CRTAP: variants seen among roughly 807,000 people sequenced by gnomAD.
The protein encoded by CRTAP is cartilage-associated protein.
Under a neutral mutation model 42.7 loss-of-function variants are expected in CRTAP, and 33 were observed. The observed-to-expected ratio is 0.77, with a 90% CI of 0.59 to 1.03. The LOEUF is 1.03. Among genes scored for constraint, CRTAP ranks in the 50% least tolerant of loss-of-function variants. The probability of loss-of-function intolerance (pLI) is 0.00; values close to 1 mark genes in which losing one functional copy is unlikely to be tolerated. For synonymous variants in CRTAP, 243 were observed against 217.7 expected, an observed-to-expected ratio of 1.12 and a Z score of -1.02; for missense variants, 613 against 533.9, an observed-to-expected ratio of 1.15 and a Z score of -1.46.
At position 33,114,345 on chromosome 3, in the gene CRTAP, G is replaced by C; in HGVS notation, c.268G>C (p.Ala90Pro). The change falls in exon 1 of 7, where the codon GCC (alanine) becomes CCC (proline). Residue 90 changes from alanine to proline, a missense_variant. Coordinates refer to ENST00000320954, the MANE Select transcript of CRTAP (RefSeq NM_006371.5). Reference protein sequence around the residue: ...SEAFCHRNCSAAPQPEPAAGL... With the variant: ...SEAFCHRNCSPAPQPEPAAGL... ...GGCCTTCTGCCACCGCAACTGCAGC[G>C]CCGCGCCGCAGCCCGAGCCCGCCGC... 1 of 1,527,616 alleles carries C rather than the reference G, an allele frequency of 6.5e-7. No individual in the cohort carries two copies. The highest frequency in any genetic ancestry group is 1.2e-5 in the South Asian group (1 of 82,888). The allele number at this position is 1,527,616 out of a possible 1,614,324, so 94.6% of individuals were successfully genotyped here.
intron 4 of CRTAP, 70 bp from the exon 5 acceptor site, chr3:33,132,485 G>A: frequency 1.2e-6 from 2 of 1,603,812 alleles, no homozygotes; most frequent in Non-Finnish European, 1.7e-6. Flanking sequence ...TGGCCTTTTT[G>A]TTTAGAAGCA....
At position 33,132,567 on chromosome 3, in the gene CRTAP, A is replaced by G; in HGVS notation, c.935A>G (p.Lys312Arg). The change falls in exon 5 of 7, where the codon AAG becomes AGG. Residue 312 changes from lysine to arginine, a missense_variant. Physicochemically the swap from Lys to Arg is conservative, Grantham distance 26. Coordinates refer to ENST00000320954, the MANE Select transcript of CRTAP (RefSeq NM_006371.5). Reference protein sequence around the residue: ...QFAYYKLNDLKNAAPCAVSYL... With the variant: ...QFAYYKLNDLRNAAPCAVSYL... Reference sequence around the variant, plus strand: ...TTCCCAACCCTAGTGAACGACCTGAAGAATGCAGCCCCCTGTGCAGTCAGC... The same window carrying G: ...TTCCCAACCCTAGTGAACGACCTGAGGAATGCAGCCCCCTGTGCAGTCAGC... The G allele has an allele frequency of 6.2e-7, 1 of 1,614,100 alleles. No homozygotes were observed.
intron 6 of CRTAP, among the ~76,000 whole-genome samples, chr3:33,140,781 A>G (rs1333222080): frequency 2.6e-5 from 4 of 152,212 alleles, no homozygotes; most frequent in African/African-American, 9.7e-5. Flanking sequence ...GGATGTATTG[A>G]GGGAGTGCTC....
At chr3:33,116,994 C>CTG (rs1438811761) in intron 1 of CRTAP, among the ~76,000 whole-genome samples, 1 of 152,090 alleles carries the variant, frequency 6.6e-6, no homozygotes, top group East Asian at 1.9e-4. Context: ...CTAGTTTCAG[C>CTG]TACTCAGGAG....
chr3:33,129,905 C>T (rs780858493), intron 3 of CRTAP, 34 bp from the exon 4 acceptor site: 2 of 1,601,178 alleles, frequency 1.2e-6, no homozygotes, highest in Admixed American at 1.7e-5. Flanking sequence ...AGTAATGGAT[C>T]CACTGCTCTG....
intron 6 of CRTAP, among the ~76,000 whole-genome samples, chr3:33,138,278 C>T (rs2030479302): frequency 6.6e-6 from 1 of 152,032 alleles, no homozygotes; most frequent in African/African-American, 2.4e-5. Flanking sequence ...TCAGTTTTTG[C>T]AAAAGGCAGC....
intron 5 of CRTAP, 121 bp from the exon 6 acceptor site, chr3:33,134,061 A>C: frequency 1.4e-6 from 1 of 733,298 alleles, no homozygotes; most frequent in South Asian, 1.4e-5. Flanking sequence ...AGCCATTACC[A>C]CTATCTAATT....
chr3:33,134,340 A>C, intron 6 of CRTAP, 75 bp downstream of exon 6: 1 of 990,716 alleles, frequency 1.0e-6, no homozygotes, highest in Non-Finnish European at 1.6e-6. Context: ...AATCACTGGA[A>C]GGCTGAGTCC....
chr3:33,144,610 G>C lies in CRTAP; in HGVS notation c.*2162G>C, dbSNP rs932038145. ...GCTACCATGCATGGTAGTGTGTTGGGGGTGGGGGTCCTGGGCACTGGCTGT... is the reference window on the plus strand; with the variant it reads ...GCTACCATGCATGGTAGTGTGTTGGCGGTGGGGGTCCTGGGCACTGGCTGT... On this transcript the variant is annotated 3_prime_UTR_variant, in exon 7 of 7. Transcript: ENST00000320954. 6.6e-6 allele frequency: 1 copy of C among 152,426 alleles called. No individual in the cohort carries two copies. Among genetic ancestry groups the C allele is most frequent in the Non-Finnish European group, 1.5e-5 (1 of 68,230 alleles). The allele number at this position is 152,426 out of a possible 1,614,324, so 9.4% of individuals were successfully genotyped here.
At position 33,128,686 on chromosome 3, in the gene CRTAP, G is replaced by A. The variant is rs920566207; in HGVS notation, c.794-1253G>A. Among the ~76,000 whole-genome samples the A allele has an allele frequency of 5.9e-5, 9 of 152,168 alleles. No individual in the cohort carries two copies. The East Asian group carries it at 1.7e-3, about 29-fold the overall frequency. On this transcript the variant is annotated intron_variant, in intron 3 of 6. Coordinates refer to ENST00000320954, the MANE Select transcript of CRTAP (RefSeq NM_006371.5). Reference sequence around the variant, plus strand: ...CAAAGTGGAAATAATAGTTCAAAGAGTAAATGTTTCTGTAAATTAATTTTA... The same window carrying A: ...CAAAGTGGAAATAATAGTTCAAAGAATAAATGTTTCTGTAAATTAATTTTA...
intron 1 of CRTAP, among the ~76,000 whole-genome samples, chr3:33,115,968 A>C (rs6779546): frequency 0.052 from 7,863 of 152,270 alleles, 664 homozygotes; most frequent in African/African-American, 0.18. Flanking sequence ...GAGATTAATA[A>C]AATTCCAGAA....
At chr3:33,124,333 G>T in intron 2 of CRTAP, 75 bp from the exon 3 acceptor site, 1 of 1,586,858 alleles carries the variant, frequency 6.3e-7, no homozygotes, top group Non-Finnish European at 8.6e-7. Flanking sequence ...GGTGGTCTTG[G>T]TTCCCTTTGA....
chr3:33,121,851 G>T (rs1481754505), intron 2 of CRTAP, among the ~76,000 whole-genome samples: 1 of 152,092 alleles, frequency 6.6e-6, no homozygotes, highest in African/African-American at 2.4e-5. Context: ...GGGTGGGTGG[G>T]TAGGTGCTGG....
intron 6 of CRTAP, among the ~76,000 whole-genome samples, chr3:33,136,812 C>A (rs2030433991): frequency 6.6e-6 from 1 of 152,098 alleles, no homozygotes; most frequent in African/African-American, 2.4e-5. Context: ...AGGCATCCGC[C>A]CACCTGACCC....
intron 4 of CRTAP, 135 bp downstream of exon 4, chr3:33,130,202 CAAAAAGG>C: frequency 1.1e-6 from 1 of 888,032 alleles, no homozygotes; most frequent in Non-Finnish European, 1.8e-6. Flanking sequence ...ATGCTTTGCA[CAAAAAGG>C]CAGCATGGCT....
intron 6 of CRTAP, among the ~76,000 whole-genome samples, chr3:33,135,884 T>C (rs2125605273): frequency 6.6e-6 from 1 of 152,344 alleles, no homozygotes; most frequent in Middle Eastern, 3.4e-3. Context: ...TAGATATTAT[T>C]CACAAAAAAT....
In CRTAP at chr3:33,114,049, CCCTT is replaced by C. The variant is rs780613791; in HGVS notation, c.-16_-13del. Reference sequence around the variant, plus strand: ...TCCCTCCCCTTTTCCCTTCCTTCGTCCCTTCCTTCCTTCCTTTCGCCGGGCGCGA... The same window carrying C: ...TCCCTCCCCTTTTCCCTTCCTTCGTCCCTTCCTTCCTTTCGCCGGGCGCGA... On this transcript the variant is annotated 5_prime_UTR_variant, in exon 1 of 7. Transcript: ENST00000320954. The C allele has an allele frequency of 2.9e-4, 417 of 1,414,934 alleles. No individual in the cohort carries two copies. Among genetic ancestry groups the C allele is most frequent in the South Asian group, 6.7e-4 (49 of 73,272 alleles). 87.6% of individuals were successfully genotyped at this position (1,414,934 alleles called of 1,614,324 possible). A position where few individuals can be genotyped will look rare whatever the true frequency, so the allele number is the denominator to read the frequency against.
Position 33,124,425 on chromosome 3 carries a change from A to G in CRTAP, c.639A>G (p.Ala213=), listed in dbSNP as rs770564411. 6.2e-7 allele frequency: 1 copy of G among 1,614,186 alleles called. No homozygotes were observed. The highest frequency in any genetic ancestry group is 8.5e-7 in the Non-Finnish European group (1 of 1,180,036). ...TKSYESLFIR[A]VRAYNGENWR... ...CCTTTCAGAGCCTGTTCATCCGAGC[A>G]GTGCGGGCATACAACGGTGAGAACT... Residue 213 remains alanine, a synonymous_variant, in exon 3 of 7, where the codon GCA becomes GCG. Transcript: ENST00000320954.
chr3:33,144,875 C>G lies in CRTAP; in HGVS notation c.*2427C>G, dbSNP rs1458530615. The G allele has an allele frequency of 1.3e-5, 2 of 152,202 alleles. No individual in the cohort carries two copies. Among genetic ancestry groups the G allele is most frequent in the African/African-American group, 4.8e-5 (2 of 41,456 alleles). 9.4% of individuals were successfully genotyped at this position (152,202 alleles called of 1,614,324 possible). A position where few individuals can be genotyped will look rare whatever the true frequency, so the allele number is the denominator to read the frequency against. The stretch of plus-strand genomic sequence containing the variant: ...CCAAGAGAGTGTGGTGTTCTGGAAG[C>G]TGAGCTTTCTTTATTCAACCTCATT... On this transcript the variant is annotated 3_prime_UTR_variant, in exon 7 of 7. Transcript: ENST00000320954.
Sources: allele counts gnomAD v4.1 joint callset (sites outside exome capture counted in the v4.1 genomes callset), GRCh38; gene constraint gnomAD v4.1.1; transcripts MANE v1.5; gene names NCBI Gene and HGNC (gene_info 2026-07-23, HGNC 2026-07-21).